The following GPRC5A variants were observed in gnomAD, a reference collection of about 807,000 sequenced individuals.
GPRC5A encodes the protein G protein-coupled receptor class C group 5 member A.
Under a neutral mutation model 22.5 loss-of-function variants are expected in GPRC5A, and 19 were observed. That is an observed-to-expected ratio of 0.85 (90% CI 0.59 to 1.24). The LOEUF is 1.24. Among genes scored for constraint, GPRC5A ranks in the 50% most tolerant of loss-of-function variants. GPRC5A has a pLI of 0.00. For synonymous variants in GPRC5A, 192 were observed against 184.5 expected (o/e 1.04, Z -0.33); for missense variants, 471 against 451.1 (o/e 1.04, Z -0.40).
intron 2 of GPRC5A, among the ~76,000 whole-genome samples, chr12:12,910,872 CTTT>C (rs570784800): frequency 2.2e-5 from 3 of 139,400 alleles, no homozygotes; most frequent in African/African-American, 2.6e-5. Context: ...CCATCTCTCT[CTTT>C]TTTTTTTTTT....
rs777155606 is a variant in GPRC5A at position 12,914,594 on chromosome 12, T to TTCTCTCTCTCTCTC, written c.*2065_*2078dup. The TTCTCTCTCTCTCTC allele has an allele frequency of 4.9e-5, 4 of 81,626 alleles. No individual in the cohort carries two copies. In the East Asian group the frequency reaches 7.6e-4, roughly 16 times the overall value. 5.1% of individuals were successfully genotyped at this position (81,626 alleles called of 1,614,324 possible). A position where few individuals can be genotyped will look rare whatever the true frequency, so the allele number is the denominator to read the frequency against. On this transcript the variant is annotated 3_prime_UTR_variant, in exon 4 of 4. Transcript: ENST00000014914. Reference sequence around the variant, plus strand: ...TTTCTTTCTTTCTTTCTTTCTTTCTTTCTCTCTCTCTCTCTCTCTCTCTTT... The same window carrying TTCTCTCTCTCTCTC: ...TTTCTTTCTTTCTTTCTTTCTTTCTTTCTCTCTCTCTCTCTCTCTCTCTCTCTCTCTCTCTCTTT...
chr12:12,893,744 G>A (rs866032049), intron 1 of GPRC5A, among the ~76,000 whole-genome samples: 1 of 151,838 alleles, frequency 6.6e-6, no homozygotes, highest in Non-Finnish European at 1.5e-5. Context: ...TTTTTGTTTT[G>A]TTTTGTTTTG....
At position 12,904,864 on chromosome 12, in the gene GPRC5A, G is replaced by A. The variant is rs1863924582; in HGVS notation, c.-7-3379G>A. Among the ~76,000 whole-genome samples the A allele has an allele frequency of 2.0e-5, 3 of 147,578 alleles. No homozygotes were observed. The South Asian group carries it at 6.4e-4, about 32-fold the overall frequency. On this transcript the variant is annotated intron_variant, in intron 1 of 3. Transcript: ENST00000014914. The stretch of plus-strand genomic sequence containing the variant: ...TTTGGTAAGATGACTATCTCTTCTA[G>A]TGGAAAAGAAAATTTTGTGGTTTTT...
chr12:12,895,982 G>T (rs2136455205), intron 1 of GPRC5A, among the ~76,000 whole-genome samples: 1 of 108,686 alleles, frequency 9.2e-6, no homozygotes, highest in African/African-American at 3.8e-5. Flanking sequence ...AACATAGTGA[G>T]ACTCTGTCTC....
At chr12:12,905,179 C>A (rs1040076586) in intron 1 of GPRC5A, among the ~76,000 whole-genome samples, 2 of 152,162 alleles carry the variant, frequency 1.3e-5, no homozygotes, top group African/African-American at 4.8e-5. Context: ...CTGTGCCCGG[C>A]CAAGAAGGTT....
rs1323826565 is a variant in GPRC5A, at chr12:12,912,608, C to T, written c.*69C>T. On this transcript the variant is annotated 3_prime_UTR_variant, in exon 4 of 4. Transcript: ENST00000014914. ...TAGCGGGAGCTCAAAGGGATGTGGGCGAAATCTTGAGTCTTCTGAGAAAAC... is the reference window on the plus strand; with the variant it reads ...TAGCGGGAGCTCAAAGGGATGTGGGTGAAATCTTGAGTCTTCTGAGAAAAC... The T allele has an allele frequency of 3.5e-5, 32 of 904,390 alleles. No individual in the cohort carries two copies. Among genetic ancestry groups the T allele is most frequent in the African/African-American group, 9.8e-5 (6 of 61,094 alleles). The allele number at this position is 904,390 out of a possible 1,614,324, so 56.0% of individuals were successfully genotyped here.
In GPRC5A at chr12:12,913,856, G is replaced by A. The variant is rs563216750; in HGVS notation, c.*1317G>A. 4.6e-5 allele frequency: 7 copies of A among 152,222 alleles called. No homozygotes were observed. In the East Asian group the frequency reaches 9.7e-4, roughly 21 times the overall value. The allele number at this position is 152,222 out of a possible 1,614,324, so 9.4% of individuals were successfully genotyped here. A position where few individuals can be genotyped will look rare whatever the true frequency, so the allele number is the denominator to read the frequency against. On this transcript the variant is annotated 3_prime_UTR_variant, in exon 4 of 4. Transcript: ENST00000014914. The stretch of plus-strand genomic sequence containing the variant: ...ATGGTGTGAGAGCCAGGATCATCAC[G>A]GGGCCTGAGGTTTTACTCCAGAAAA...
Position 12,914,624 on chromosome 12 carries a change from CT to C in GPRC5A, c.*2088del, listed in dbSNP as rs766915041. ...TCTCTCTCTCTCTCTCTCTTTCTTT[CT>C]TTCTTTTTGAGATAGAGTCTCACTC... On this transcript the variant is annotated 3_prime_UTR_variant, in exon 4 of 4. Coordinates refer to ENST00000014914, the MANE Select transcript of GPRC5A (RefSeq NM_003979.4). The C allele has an allele frequency of 7.0e-6, 1 of 143,108 alleles. No homozygotes were observed. The highest frequency in any genetic ancestry group is 1.5e-5 in the Non-Finnish European group (1 of 66,054). 8.9% of individuals were successfully genotyped at this position (143,108 alleles called of 1,614,324 possible).
chr12:12,915,372 A>G lies in GPRC5A; in HGVS notation c.*2833A>G, dbSNP rs1864053145. 6.6e-6 allele frequency: 1 copy of G among 151,886 alleles called. No homozygotes were observed. Among genetic ancestry groups the G allele is most frequent in the Non-Finnish European group, 1.5e-5 (1 of 68,010 alleles). 9.4% of individuals were successfully genotyped at this position (151,886 alleles called of 1,614,324 possible). A position where few individuals can be genotyped will look rare whatever the true frequency, so the allele number is the denominator to read the frequency against. ...TGAATCACTTGTTGAAAAACACACAAAATATATTTTTTGTAGAGGTGGGGG... is the reference window on the plus strand; with the variant it reads ...TGAATCACTTGTTGAAAAACACACAGAATATATTTTTTGTAGAGGTGGGGG... On this transcript the variant is annotated 3_prime_UTR_variant, in exon 4 of 4. Transcript: ENST00000014914.
At chr12:12,903,332 T>C (rs939436782) in intron 1 of GPRC5A, among the ~76,000 whole-genome samples, 1 of 152,206 alleles carries the variant, frequency 6.6e-6, no homozygotes, top group Non-Finnish European at 1.5e-5. Flanking sequence ...CCAGGCAGAA[T>C]TGCGGTGACG....
intron 2 of GPRC5A, among the ~76,000 whole-genome samples, chr12:12,911,054 G>T (rs1037798096): frequency 6.6e-6 from 1 of 151,952 alleles, no homozygotes; most frequent in Admixed American, 6.6e-5. Flanking sequence ...TGTGTTTTTA[G>T]TAGAGACGGG....
chr12:12,895,568 G>A (rs4763897), intron 1 of GPRC5A, among the ~76,000 whole-genome samples: 94,725 of 151,544 alleles, frequency 0.63, 29,835 homozygotes, highest in Admixed American at 0.7. Flanking sequence ...TTGAAAGATA[G>A]GCTTGTAAGG....
intron 2 of GPRC5A, among the ~76,000 whole-genome samples, chr12:12,911,417 C>T (rs747480232): frequency 3.3e-5 from 5 of 152,048 alleles, no homozygotes; most frequent in Non-Finnish European, 7.4e-5. Flanking sequence ...AGGTAAATCC[C>T]CAGTGAGATT....
Position 12,908,799 on chromosome 12 carries a change from G to A in GPRC5A, c.550G>A (p.Val184Ile), listed in dbSNP as rs763496049. ...NEDFVLLLTY[V>I]LFLMALTFLM... ...AGACTTTGTCCTCCTGCTCACCTAC[G>A]TCCTCTTCTTGATGGCGCTGACCTT... The change falls in exon 2 of 4, where the codon GTC becomes ATC. Residue 184 changes from valine (V) to isoleucine (I), a missense_variant. Coordinates refer to ENST00000014914, the MANE Select transcript of GPRC5A (RefSeq NM_003979.4). 9.3e-6 allele frequency: 15 copies of A among 1,614,010 alleles called. No homozygotes were observed. The highest frequency in any genetic ancestry group is 1.6e-4 in the Middle Eastern group (1 of 6,084).
At chr12:12,900,923 A>AAAAAAAAAAAAAAAAAAAAAAAAAAC (rs1555104732) in intron 1 of GPRC5A, among the ~76,000 whole-genome samples, 2 of 109,880 alleles carry the variant, frequency 1.8e-5, no homozygotes, top group Admixed American at 1.2e-4. Flanking sequence ...ACAAAAAAAA[A>AAAAAAAAAAAAAAAAAAAAAAAAAAC]ACAACCCAGA....
chr12:12,903,034 T>G (rs1863906092), intron 1 of GPRC5A, among the ~76,000 whole-genome samples: 1 of 151,624 alleles, frequency 6.6e-6, no homozygotes, highest in Non-Finnish European at 1.5e-5. Flanking sequence ...GCCATTGCAC[T>G]CCAGCCTGGG....
At position 12,908,351 on chromosome 12, in the gene GPRC5A, G is replaced by A; in HGVS notation, c.102G>A (p.Val34=). 1 of 1,613,984 alleles carries A rather than the reference G, an allele frequency of 6.2e-7. No individual in the cohort carries two copies. Among genetic ancestry groups the A allele is most frequent in the East Asian group, 2.2e-5 (1 of 44,872 alleles). The change falls in exon 2 of 4, where the codon GTG becomes GTA. Residue 34 remains valine, a synonymous_variant. Transcript: ENST00000014914. ...AEAWGIVLET[V]ATAGVVTSVA... ...CTTGGGGCATCGTCCTAGAAACGGT[G>A]GCCACAGCCGGGGTTGTGACCTCGG...
At chr12:12,892,468 A>T (rs1209390890) in intron 1 of GPRC5A, among the ~76,000 whole-genome samples, 1 of 152,108 alleles carries the variant, frequency 6.6e-6, no homozygotes, top group Non-Finnish European at 1.5e-5. Flanking sequence ...CCCGGGTTCA[A>T]GCGATTCTCC....
At position 12,916,222 on chromosome 12, in the gene GPRC5A, G is replaced by A. The variant is rs1292747494; in HGVS notation, c.*3683G>A. ...ATGTAGCCCAGCCTGGTCCTTGGGT[G>A]TTGCCAGTTGATTGATGACTGGGAG... On this transcript the variant is annotated 3_prime_UTR_variant, in exon 4 of 4. Transcript: ENST00000014914. 6.5e-6 allele frequency: 1 copy of A among 153,476 alleles called. No individual in the cohort carries two copies. The highest frequency in any genetic ancestry group is 1.5e-5 in the Non-Finnish European group (1 of 68,678). 9.5% of individuals were successfully genotyped at this position (153,476 alleles called of 1,614,324 possible). A position where few individuals can be genotyped will look rare whatever the true frequency, so the allele number is the denominator to read the frequency against.
Sources: gnomAD v4.1 joint callset for allele counts (sites outside exome capture counted in the v4.1 genomes callset) on GRCh38, gnomAD v4.1.1 for gene constraint, MANE v1.5 for transcripts, NCBI Gene and HGNC (gene_info 2026-07-23, HGNC 2026-07-21) for gene names.